The following MLYCD variants were observed in gnomAD, a reference collection of about 807,000 sequenced individuals.
MLYCD encodes malonyl-CoA decarboxylase.
A neutral mutation model predicts 35.8 loss-of-function variants in MLYCD; 27 were observed. The ratio of observed to expected loss-of-function variants is 0.75; its 90% CI spans 0.56 to 1.04. The LOEUF (loss-of-function observed/expected upper bound fraction) is 1.04, where lower values mean the gene tolerates loss of function less well. MLYCD is among the 50% of genes least tolerant of loss of function. The pLI, the probability that MLYCD is intolerant of heterozygous loss-of-function variation, is 0.00. For synonymous variants in MLYCD, 403 were observed against 302.4 expected, an observed-to-expected ratio of 1.33 and a Z score of -3.45; for missense variants, 917 against 665.1, an observed-to-expected ratio of 1.38 and a Z score of -4.17.
At chr16:83,902,569 A>C (rs1230233033) in intron 1 of MLYCD, among the ~76,000 whole-genome samples, 1 of 147,152 alleles carries the variant, frequency 6.8e-6, no homozygotes, top group Non-Finnish European at 1.5e-5. Context: ...GCAGCAGCAC[A>C]ATCTCTGCTC....
In MLYCD at chr16:83,921,104, A is replaced by T. The variant is rs1305971984; in HGVS notation, c.*5615A>T. 1 of 150,482 alleles carries T rather than the reference A, an allele frequency of 6.6e-6. No homozygotes were observed. The highest frequency in any genetic ancestry group is 2.5e-5 in the African/African-American group (1 of 40,726). 9.3% of individuals were successfully genotyped at this position (150,482 alleles called of 1,614,324 possible). On this transcript the variant is annotated 3_prime_UTR_variant, in exon 5 of 5. Coordinates refer to ENST00000262430, the MANE Select transcript of MLYCD (RefSeq NM_012213.3). ...AGATGGTTGGATGGATGGAAGATGG[A>T]TGGATGGATGGATGGAGGGTAGAGT...
Position 83,921,268 on chromosome 16 carries a change from ATGTT to A in MLYCD, c.*5782_*5785del, listed in dbSNP as rs1341216987. 1 of 143,344 alleles carries A rather than the reference ATGTT, an allele frequency of 7.0e-6. No homozygotes were observed. The highest frequency in any genetic ancestry group is 1.5e-5 in the Non-Finnish European group (1 of 66,040). 8.9% of individuals were successfully genotyped at this position (143,344 alleles called of 1,614,324 possible). A position where few individuals can be genotyped will look rare whatever the true frequency, so the allele number is the denominator to read the frequency against. ...GATGAATAGATGGGTGGGTGGGTGG[ATGTT>A]TGGATGGATGGTGGAGGGCAGAGTG... is the stretch of plus-strand genomic sequence containing the variant. On this transcript the variant is annotated 3_prime_UTR_variant, in exon 5 of 5. Coordinates refer to ENST00000262430, the MANE Select transcript of MLYCD (RefSeq NM_012213.3).
In MLYCD at chr16:83,915,352, G is replaced by C. The variant is rs752955481; in HGVS notation, c.1345G>C (p.Gly449Arg). 6.2e-7 allele frequency: 1 copy of C among 1,613,738 alleles called. No individual in the cohort carries two copies. Among genetic ancestry groups the C allele is most frequent in the South Asian group, 1.1e-5 (1 of 91,088 alleles). Residue 449 changes from glycine to arginine, a missense_variant, in exon 5 of 5, where the codon GGC (glycine) becomes CGC (arginine). Transcript: ENST00000262430. ...VSLRGITGSC[G>R]LMANYRYFLE... Reference sequence around the variant, plus strand: ...CCTCAGAGGCATCACCGGCTCCTGCGGCCTGATGGCCAACTACCGCTACTT... The same window carrying C: ...CCTCAGAGGCATCACCGGCTCCTGCCGCCTGATGGCCAACTACCGCTACTT...
intron 1 of MLYCD, among the ~76,000 whole-genome samples, chr16:83,905,624 G>A (rs1906946664): frequency 6.6e-6 from 1 of 152,212 alleles, no homozygotes; most frequent in East Asian, 1.9e-4. Context: ...CCAGTCTGCA[G>A]TGGAAAGGAC....
At chr16:83,914,736 AC>A (rs937749571) in intron 4 of MLYCD, 2 of 603,440 alleles carry the variant, frequency 3.3e-6, no homozygotes, top group Admixed American at 5.5e-5. Flanking sequence ...CCATGATGAC[AC>A]CACTGCACTC....
chr16:83,910,690 CAAAAAAA>C (rs113252752), intron 3 of MLYCD, among the ~76,000 whole-genome samples: 1,343 of 93,492 alleles, frequency 0.014, 16 homozygotes, highest in African/African-American at 0.042. Context: ...GACTCCATCT[CAAAAAAA>C]AAAAAAAAAA....
chr16:83,912,983 A>G (rs1392311636), intron 4 of MLYCD: 2 of 165,672 alleles, frequency 1.2e-5, no homozygotes, highest in Non-Finnish European at 2.7e-5. Context: ...TAGGCTTTCA[A>G]AAACCACCAG....
chr16:83,899,760 C>T, intron 1 of MLYCD, 88 bp downstream of exon 1: 1 of 1,380,468 alleles, frequency 7.2e-7, no homozygotes, highest in Non-Finnish European at 9.5e-7. Flanking sequence ...TCCCACACAC[C>T]CCGCCTTCCC....
chr16:83,910,108 G>A (rs572020711), intron 3 of MLYCD, among the ~76,000 whole-genome samples: 30 of 152,130 alleles, frequency 2.0e-4, no homozygotes, highest in African/African-American at 6.7e-4. Flanking sequence ...TGTGCGTACC[G>A]AGAGCCTCTG....
chr16:83,902,652 C>A (rs1360498768), intron 1 of MLYCD, among the ~76,000 whole-genome samples: 2 of 151,860 alleles, frequency 1.3e-5, no homozygotes, highest in African/African-American at 4.8e-5. Flanking sequence ...AATACAGGTG[C>A]TTGCCAACAC....
chr16:83,914,273 C>T (rs186508888), intron 4 of MLYCD: 185 of 158,650 alleles, frequency 1.2e-3, no homozygotes, highest in Non-Finnish European at 1.9e-3. Flanking sequence ...ATACCCGCAG[C>T]GTCCCCCTCC....
At chr16:83,912,153 C>G (rs954772716) in intron 3 of MLYCD, 65 bp from the exon 4 acceptor site, 4 of 1,606,710 alleles carry the variant, frequency 2.5e-6, no homozygotes, top group African/African-American at 1.3e-5. Flanking sequence ...GTCCCAGCAA[C>G]AGGCTTGCCT....
At position 83,916,490 on chromosome 16, in the gene MLYCD, G is replaced by T. The variant is rs1369054045; in HGVS notation, c.*1001G>T. The T allele has an allele frequency of 6.7e-6, 1 of 149,782 alleles. No homozygotes were observed. The highest frequency in any genetic ancestry group is 2.5e-5 in the African/African-American group (1 of 40,262). 9.3% of individuals were successfully genotyped at this position (149,782 alleles called of 1,614,324 possible). A position where few individuals can be genotyped will look rare whatever the true frequency, so the allele number is the denominator to read the frequency against. On this transcript the variant is annotated 3_prime_UTR_variant, in exon 5 of 5. Coordinates refer to ENST00000262430, the MANE Select transcript of MLYCD (RefSeq NM_012213.3). Reference sequence around the variant, plus strand: ...TGTGTGCGTGTGCACGAGCGTCTCTGTGTGTATCAGTGCATGTCTGTGTAC... The same window carrying T: ...TGTGTGCGTGTGCACGAGCGTCTCTTTGTGTATCAGTGCATGTCTGTGTAC...
chr16:83,908,412 T>A, intron 3 of MLYCD, 130 bp downstream of exon 3: 1 of 1,169,440 alleles, frequency 8.6e-7, no homozygotes, highest in Non-Finnish European at 1.2e-6. Flanking sequence ...TTGGGCTTTT[T>A]TAAATTGGTT....
At position 83,899,129 on chromosome 16, in the gene MLYCD, G is replaced by A. The variant is rs1040326855; in HGVS notation, c.-16G>A. ...GCGGCGGCGGCGCTCCCCCTCGGCA[G>A]CTGTTGTGGGGCACCATGCGAGGCT... is the stretch of plus-strand genomic sequence containing the variant. On this transcript the variant is annotated 5_prime_UTR_variant, in exon 1 of 5. Coordinates refer to ENST00000262430, the MANE Select transcript of MLYCD (RefSeq NM_012213.3). 2.7e-6 allele frequency: 3 copies of A among 1,114,272 alleles called. No homozygotes were observed. Among genetic ancestry groups the A allele is most frequent in the Non-Finnish European group, 3.3e-6 (3 of 914,896 alleles). The allele number at this position is 1,114,272 out of a possible 1,614,324, so 69.0% of individuals were successfully genotyped here.
Position 83,908,180 on chromosome 16 carries a change from G to A in MLYCD, c.696G>A (p.Gly232=), listed in dbSNP as rs193059783. 2 of 1,614,194 alleles carry A rather than the reference G, an allele frequency of 1.2e-6. No homozygotes were observed. Among genetic ancestry groups the A allele is most frequent in the Non-Finnish European group, 1.7e-6 (2 of 1,180,048 alleles). ...GGATGGACATGAAGCGCCGCGTTGG[G>A]CCCTACAGAAGGTGTTACTTCTTTT... is the stretch of plus-strand genomic sequence containing the variant. ...KNWMDMKRRV[G]PYRRCYFFSH... The change falls in exon 3 of 5, where the codon GGG becomes GGA. Residue 232 remains glycine (G), a synonymous_variant. Coordinates refer to ENST00000262430, the MANE Select transcript of MLYCD (RefSeq NM_012213.3).
chr16:83,912,503 T>G (rs1597293720), intron 4 of MLYCD, 136 bp downstream of exon 4: 14 of 1,232,918 alleles, frequency 1.1e-5, no homozygotes, highest in Non-Finnish European at 1.6e-5. Context: ...GTAGAAAAGG[T>G]GCCAGAGACC....
chr16:83,908,069 G>C, intron 2 of MLYCD, 57 bp from the exon 3 acceptor site: 3 of 1,603,156 alleles, frequency 1.9e-6, no homozygotes, highest in Non-Finnish European at 2.6e-6. Flanking sequence ...ATAGGAGTCA[G>C]CAGCCGTTGC....
intron 1 of MLYCD, among the ~76,000 whole-genome samples, chr16:83,901,305 T>G (rs79322583): frequency 0.017 from 2,572 of 152,312 alleles, 39 homozygotes; most frequent in Non-Finnish European, 0.026. Context: ...CATCCCCCCA[T>G]GTAAATGATC....
Sources: gnomAD v4.1 joint callset for allele counts (sites outside exome capture counted in the v4.1 genomes callset) on GRCh38, gnomAD v4.1.1 for gene constraint, MANE v1.5 for transcripts, NCBI Gene and HGNC (gene_info 2026-07-23, HGNC 2026-07-21) for gene names.